TRIM14: variants seen among roughly 807,000 people sequenced by gnomAD.
The protein encoded by TRIM14 is tripartite motif containing 14, also known as tripartite motif-containing protein 14.
In TRIM14, 28 loss-of-function variants were observed where a neutral mutation model predicts 44.5. That is an observed-to-expected ratio of 0.63 (90% CI 0.47 to 0.86). The LOEUF is 0.86. TRIM14 is among the 40% of genes least tolerant of loss of function. The pLI is 0.00. For missense variants in TRIM14, 607 were observed against 611.1 expected, an observed-to-expected ratio of 0.99 and a Z score of 0.07; for synonymous variants, 299 against 269.2, an observed-to-expected ratio of 1.11 and a Z score of -1.08.
At chr9:98,090,765 T>C (rs1031378847) in intron 5 of TRIM14, among the ~76,000 whole-genome samples, 4 of 152,148 alleles carry the variant, frequency 2.6e-5, no homozygotes, top group African/African-American at 9.7e-5. Flanking sequence ...GGTTTCACCA[T>C]GTTGTGCAGG....
chr9:98,039,698 C>T, the TRIM14 span, among the ~76,000 whole-genome samples: 5 of 151,976 alleles, frequency 3.3e-5, no homozygotes, highest in African/African-American at 7.3e-5. Context: ...CTTGCAGCCC[C>T]GACCCAGGAA....
At chr9:98,065,155 T>G (rs1440850614), downstream of TRIM14, among the ~76,000 whole-genome samples, 1 of 152,182 alleles carries the variant, frequency 6.6e-6, no homozygotes, top group East Asian at 1.9e-4. Flanking sequence ...ATTATTGTGT[T>G]AATCCTTCTG....
the TRIM14 span, among the ~76,000 whole-genome samples, chr9:98,036,804 CA>C: frequency 6.6e-6 from 1 of 151,920 alleles, no homozygotes; most frequent in Non-Finnish European, 1.5e-5. Context: ...AACTCGGTCT[CA>C]AAAAAACAAA....
At position 98,111,842 on chromosome 9, in the gene TRIM14, G is replaced by A. The variant is rs1044714506; in HGVS notation, c.208-1858C>T. ...AATCCCAGCTACTCGGGAGGCTGAG[G>A]CAGGAGAATCACTTGAACCCAGGAG... On this transcript the variant is annotated intron_variant, in intron 1 of 5. Transcript: ENST00000341469. Among the ~76,000 whole-genome samples, 17 of 152,268 alleles carry A rather than the reference G, an allele frequency of 1.1e-4. No individual in the cohort carries two copies. In the East Asian group the frequency reaches 3.3e-3, roughly 29 times the overall value.
At chr9:98,060,946 G>A in the TRIM14 span, 30 of 1,614,212 alleles carry the variant, frequency 1.9e-5, no homozygotes, top group Non-Finnish European at 2.5e-5. Context: ...GGGAGCTGCA[G>A]AGGTACGCCG....
At chr9:98,093,422 A>G (rs1401237542) in intron 4 of TRIM14, among the ~76,000 whole-genome samples, 1 of 152,184 alleles carries the variant, frequency 6.6e-6, no homozygotes, top group African/African-American at 2.4e-5. Flanking sequence ...GCAGCCCAGG[A>G]GAGGCGACTG....
intron 1 of TRIM14, 136 bp downstream of exon 1, chr9:98,118,846 C>A: frequency 1.9e-6 from 2 of 1,063,364 alleles, no homozygotes; most frequent in Non-Finnish European, 2.6e-6. Context: ...ACCGCTTAGA[C>A]GCCCTCTGGG....
At chr9:98,056,976 G>T in the TRIM14 span, 30 of 1,537,408 alleles carry the variant, frequency 2.0e-5, no homozygotes, top group Admixed American at 5.5e-4. Flanking sequence ...GGATTCGGGC[G>T]CCGGGAGGGG....
At chr9:98,105,055 C>T (rs554581788) in intron 2 of TRIM14, among the ~76,000 whole-genome samples, 9 of 152,286 alleles carry the variant, frequency 5.9e-5, no homozygotes, top group African/African-American at 1.4e-4. Flanking sequence ...GGGCAATGGA[C>T]ACCAGTGGCC....
At chr9:98,094,609 T>C (rs911485063) in intron 4 of TRIM14, among the ~76,000 whole-genome samples, 6 of 152,068 alleles carry the variant, frequency 3.9e-5, no homozygotes, top group Admixed American at 2.0e-4. Flanking sequence ...AAGGCTGAGA[T>C]GTGGCAGGCT....
the TRIM14 span, among the ~76,000 whole-genome samples, chr9:98,043,303 G>A: frequency 2.0e-5 from 3 of 151,880 alleles, no homozygotes; most frequent in Non-Finnish European, 1.5e-5. Flanking sequence ...TCAGCCTCCC[G>A]AGTAGCTGGG....
the TRIM14 span, among the ~76,000 whole-genome samples, chr9:98,060,541 G>T: frequency 2.0e-5 from 3 of 152,126 alleles, no homozygotes; most frequent in Non-Finnish European, 4.4e-5. Context: ...GTCGTGGTGG[G>T]TGCCTGTAAT....
At chr9:98,113,073 A>AC (rs1229102557) in intron 1 of TRIM14, among the ~76,000 whole-genome samples, 1 of 146,776 alleles carries the variant, frequency 6.8e-6, no homozygotes, top group African/African-American at 2.6e-5. Context: ...AGTTCATGCC[A>AC]CTGCACTCCA....
the TRIM14 span, among the ~76,000 whole-genome samples, chr9:98,050,713 G>A: frequency 6.6e-6 from 1 of 152,098 alleles, no homozygotes; most frequent in Non-Finnish European, 1.5e-5. Context: ...GCCACTCTCA[G>A]TTACCATCAT....
chr9:98,036,979 G>C, the TRIM14 span, among the ~76,000 whole-genome samples: 1 of 152,192 alleles, frequency 6.6e-6, no homozygotes, highest in Non-Finnish European at 1.5e-5. Context: ...CTTTGCCCTG[G>C]GTTCAGTGCT....
chr9:98,048,154 T>G, the TRIM14 span, among the ~76,000 whole-genome samples: 2 of 152,002 alleles, frequency 1.3e-5, no homozygotes, highest in South Asian at 4.1e-4. Context: ...AGTCACAGAA[T>G]GGGCTGGTTA....
chr9:98,068,770 A>C (rs1355018665), downstream of TRIM14, among the ~76,000 whole-genome samples: 3 of 151,696 alleles, frequency 2.0e-5, no homozygotes, highest in Non-Finnish European at 4.4e-5. Flanking sequence ...GTGGTAAGCC[A>C]TGATTGCACC....
At chr9:98,064,668 G>A (rs1829083146), downstream of TRIM14, among the ~76,000 whole-genome samples, 1 of 152,214 alleles carries the variant, frequency 6.6e-6, no homozygotes, top group African/African-American at 2.4e-5. Flanking sequence ...GAGGACCAGA[G>A]GGGCCAGAAG....
the TRIM14 span, among the ~76,000 whole-genome samples, chr9:98,054,798 G>A: frequency 6.6e-6 from 1 of 152,190 alleles, no homozygotes. Context: ...GGGGTCTACA[G>A]AACCGGGGCA....
Sources: gnomAD v4.1 joint callset for allele counts (sites outside exome capture counted in the v4.1 genomes callset) on GRCh38, gnomAD v4.1.1 for gene constraint, MANE v1.5 for transcripts, NCBI Gene and HGNC (gene_info 2026-07-23, HGNC 2026-07-21) for gene names.